Variants in RALYL observed in about 807,000 individuals in gnomAD.
The protein encoded by RALYL is RALY RNA binding protein like.
In RALYL, 29 loss-of-function variants were observed where a neutral mutation model predicts 35.1. The observed-to-expected ratio is 0.83, with a 90% CI of 0.61 to 1.13. The LOEUF (loss-of-function observed/expected upper bound fraction) is 1.13. RALYL is among the 50% of genes most tolerant of loss of function. The probability of loss-of-function intolerance (pLI) is 0.00; values close to 1 mark genes in which losing one functional copy is unlikely to be tolerated. For synonymous variants in RALYL, 120 were observed against 127.6 expected, an observed-to-expected ratio of 0.94 and a Z score of 0.40; for missense variants, 359 against 360.4, an observed-to-expected ratio of 1.00 and a Z score of 0.03.
chr8:84,706,656 A>G (rs925017041), intron 2 of RALYL, among the ~76,000 whole-genome samples: 7 of 152,268 alleles, frequency 4.6e-5, no homozygotes, highest in African/African-American at 1.7e-4. Flanking sequence ...CCCTAAAGGA[A>G]CTGATTCTGG....
At chr8:84,631,345 T>C (rs1823866459) in intron 2 of RALYL, among the ~76,000 whole-genome samples, 1 of 152,008 alleles carries the variant, frequency 6.6e-6, no homozygotes, top group South Asian at 2.1e-4. Context: ...ATATTTGAGT[T>C]CTGACTTGAT....
chr8:84,793,933 G>C (rs1821355507), intron 3 of RALYL, among the ~76,000 whole-genome samples: 1 of 152,208 alleles, frequency 6.6e-6, no homozygotes, highest in Admixed American at 6.5e-5. Context: ...ACGTAAAAAT[G>C]AGTTGTAGTT....
chr8:84,543,514 CAACTT>C (rs772504408), intron 2 of RALYL, among the ~76,000 whole-genome samples: 1 of 149,458 alleles, frequency 6.7e-6, no homozygotes, highest in Non-Finnish European at 1.5e-5. Flanking sequence ...TAAAAAAAAA[CAACTT>C]AGTAAAGTGG....
At chr8:84,556,996 T>G (rs1266215936) in intron 2 of RALYL, among the ~76,000 whole-genome samples, 1 of 152,196 alleles carries the variant, frequency 6.6e-6, no homozygotes, top group Non-Finnish European at 1.5e-5. Flanking sequence ...AATAATATGC[T>G]TTTCAAGCAT....
At chr8:84,700,664 A>T (rs1163384931) in intron 2 of RALYL, among the ~76,000 whole-genome samples, 1 of 152,200 alleles carries the variant, frequency 6.6e-6, no homozygotes, top group Non-Finnish European at 1.5e-5. Flanking sequence ...AAGTAAAATG[A>T]GGTGTTGAAT....
chr8:84,774,099 G>A (rs1261795102), intron 2 of RALYL, among the ~76,000 whole-genome samples: 2 of 152,084 alleles, frequency 1.3e-5, no homozygotes, highest in African/African-American at 2.4e-5. Context: ...CATGCCTGTA[G>A]TCCTAGCTAC....
intron 1 of RALYL, among the ~76,000 whole-genome samples, chr8:84,267,031 GACTTAT>G (rs1180668014): frequency 1.3e-5 from 2 of 151,924 alleles, no homozygotes; most frequent in African/African-American, 4.8e-5. Flanking sequence ...AGTATTCAGG[GACTTAT>G]ACTGAGAGAG....
intron 7 of RALYL, among the ~76,000 whole-genome samples, chr8:84,881,401 CT>C (rs1442831302): frequency 6.6e-6 from 1 of 151,934 alleles, no homozygotes; most frequent in Non-Finnish European, 1.5e-5. Flanking sequence ...TATCAACATT[CT>C]TTCCAACCAT....
In RALYL at chr8:84,431,166, C is replaced by T. The variant is rs542572809; in HGVS notation, c.-23-98133C>T. ...TACAGGCATTAGCATCTTTAGCCCT[C>T]ACAACAGCCTATAAGGTTTTACTGT... On this transcript the variant is annotated intron_variant, in intron 1 of 8. Coordinates refer to ENST00000521268, the MANE Select transcript of RALYL (RefSeq NM_173848.7). Among the ~76,000 whole-genome samples, 7 of 152,250 alleles carry T rather than the reference C, an allele frequency of 4.6e-5. No homozygotes were observed. In the South Asian group the frequency reaches 1.4e-3, roughly 32 times the overall value.
chr8:84,521,191 G>A (rs1333941167), intron 1 of RALYL, among the ~76,000 whole-genome samples: 1 of 152,148 alleles, frequency 6.6e-6, no homozygotes, highest in Admixed American at 6.5e-5. Flanking sequence ...TATAAGAAGT[G>A]GAAGAGAGGC....
intron 2 of RALYL, among the ~76,000 whole-genome samples, chr8:84,744,572 T>C (rs999143130): frequency 6.6e-6 from 1 of 152,026 alleles, no homozygotes; most frequent in African/African-American, 2.4e-5. Context: ...AGTAGTCTCA[T>C]TGAAAACAGA....
At chr8:84,539,878 G>A (rs376151235) in intron 2 of RALYL, among the ~76,000 whole-genome samples, 30 of 75,174 alleles carry the variant, frequency 4.0e-4, no homozygotes, top group African/African-American at 1.3e-3. Flanking sequence ...ATATATATAT[G>A]TATATATATG....
chr8:84,849,121 A>T (rs1835273402), intron 4 of RALYL, among the ~76,000 whole-genome samples: 1 of 152,212 alleles, frequency 6.6e-6, no homozygotes, highest in Non-Finnish European at 1.5e-5. Context: ...AAATTCAAAC[A>T]ACAAGGCAAG....
intron 1 of RALYL, among the ~76,000 whole-genome samples, chr8:84,474,372 A>T (rs2053150125): frequency 6.6e-6 from 1 of 152,200 alleles, no homozygotes; most frequent in Non-Finnish European, 1.5e-5. Flanking sequence ...AGCAAGGTTT[A>T]AAAAAGTTAC....
At chr8:84,798,071 A>G (rs914471546) in intron 3 of RALYL, among the ~76,000 whole-genome samples, 2 of 151,402 alleles carry the variant, frequency 1.3e-5, no homozygotes. Context: ...TCTTCACTCC[A>G]CTCTTTTCTT....
intron 1 of RALYL, among the ~76,000 whole-genome samples, chr8:84,303,978 T>TA (rs1000593059): frequency 4.6e-5 from 7 of 152,148 alleles, no homozygotes; most frequent in African/African-American, 1.7e-4. Context: ...TGATAAAATA[T>TA]AAAACTAATG....
chr8:84,498,937 A>G (rs1248254369), intron 1 of RALYL, among the ~76,000 whole-genome samples: 4 of 152,166 alleles, frequency 2.6e-5, no homozygotes, highest in Admixed American at 6.5e-5. Context: ...GTTAACTCCT[A>G]TTTATCCAAG....
At chr8:84,572,506 A>C (rs1158134544) in intron 2 of RALYL, among the ~76,000 whole-genome samples, 1 of 151,754 alleles carries the variant, frequency 6.6e-6, no homozygotes, top group Non-Finnish European at 1.5e-5. Context: ...AAATTCCCTT[A>C]GTGTTTGCTT....
At chr8:84,309,967 T>G (rs556067502) in intron 1 of RALYL, among the ~76,000 whole-genome samples, 1 of 152,094 alleles carries the variant, frequency 6.6e-6, no homozygotes, top group Non-Finnish European at 1.5e-5. Flanking sequence ...TCAGGTGATA[T>G]CCACCTGCCT....
Sources: allele counts gnomAD v4.1 joint callset (sites outside exome capture counted in the v4.1 genomes callset), GRCh38; gene constraint gnomAD v4.1.1; transcripts MANE v1.5; gene names NCBI Gene and HGNC (gene_info 2026-07-23, HGNC 2026-07-21).